The following UPK1B variants were observed in gnomAD, a reference collection of about 807,000 sequenced individuals.
The protein encoded by UPK1B is uroplakin-1b.
In UPK1B, 28 loss-of-function variants were observed where a neutral mutation model predicts 34.2. That is an observed-to-expected ratio of 0.82 (90% CI 0.61 to 1.12). The LOEUF (loss-of-function observed/expected upper bound fraction) is 1.12, where lower values mean the gene tolerates loss of function less well. Among genes scored for constraint, UPK1B ranks in the 50% most tolerant of loss-of-function variants. The pLI is 0.00. For missense variants in UPK1B, 325 were observed against 320.9 expected, an observed-to-expected ratio of 1.01 and a Z score of -0.10; for synonymous variants, 81 against 110.4, an observed-to-expected ratio of 0.73 and a Z score of 1.67.
intron 5 of UPK1B, among the ~76,000 whole-genome samples, chr3:119,193,345 G>A (rs897966903): frequency 2.0e-5 from 3 of 152,214 alleles, no homozygotes; most frequent in Admixed American, 6.5e-5. Flanking sequence ...ATCCTTTAAA[G>A]ATGGTTGATT....
At position 119,194,478 on chromosome 3, in the gene UPK1B, T is replaced by C. The variant is rs1053014749; in HGVS notation, c.648+80T>C. The C allele has an allele frequency of 3.4e-5, 45 of 1,330,724 alleles. No homozygotes were observed. In the East Asian group the frequency reaches 3.6e-4, roughly 11 times the overall value. 82.4% of individuals were successfully genotyped at this position (1,330,724 alleles called of 1,614,324 possible). A position where few individuals can be genotyped will look rare whatever the true frequency, so the allele number is the denominator to read the frequency against. On this transcript the variant is annotated intron_variant, in intron 6 of 7. Transcript: ENST00000264234. ...AAAAATATTGGTCAACTGTAGGAAATAGTCTTTCAGTAAGGAATTCTACAT... is the reference window on the plus strand; with the variant it reads ...AAAAATATTGGTCAACTGTAGGAAACAGTCTTTCAGTAAGGAATTCTACAT...
chr3:119,188,533 A>C (rs1483852705), intron 3 of UPK1B, among the ~76,000 whole-genome samples: 1 of 152,208 alleles, frequency 6.6e-6, no homozygotes, highest in Non-Finnish European at 1.5e-5. Flanking sequence ...GGACCCCAGA[A>C]AACCTTGATA....
At chr3:119,195,890 G>C (rs778527537) in intron 6 of UPK1B, among the ~76,000 whole-genome samples, 1 of 152,150 alleles carries the variant, frequency 6.6e-6, no homozygotes, top group Non-Finnish European at 1.5e-5. Context: ...AGATACAAAT[G>C]AACTATTTTC....
chr3:119,194,976 G>A (rs7651368), intron 6 of UPK1B, among the ~76,000 whole-genome samples: 58,559 of 152,034 alleles, frequency 0.39, 12,141 homozygotes, highest in Non-Finnish European at 0.45. Flanking sequence ...CATTTATTGT[G>A]TACTTACTAA....
chr3:119,196,143 T>C (rs1324536797), intron 6 of UPK1B, among the ~76,000 whole-genome samples: 1 of 152,218 alleles, frequency 6.6e-6, no homozygotes, highest in Non-Finnish European at 1.5e-5. Context: ...CCTGTGCTCC[T>C]TGTTTCTCAA....
intron 5 of UPK1B, 53 bp downstream of exon 5, chr3:119,191,157 G>C: frequency 6.2e-7 from 1 of 1,600,090 alleles, no homozygotes. Context: ...GTGGGAGTGG[G>C]TGTCATACAC....
chr3:119,196,541 T>C (rs1006467144), intron 6 of UPK1B, among the ~76,000 whole-genome samples: 2 of 144,876 alleles, frequency 1.4e-5, no homozygotes, highest in African/African-American at 2.6e-5. Flanking sequence ...TTTTCTTTTT[T>C]TTTTTTTTTT....
At chr3:119,177,150 C>T (rs2077960743) in intron 1 of UPK1B, among the ~76,000 whole-genome samples, 1 of 152,142 alleles carries the variant, frequency 6.6e-6, no homozygotes, top group African/African-American at 2.4e-5. Context: ...CAAATTGTGG[C>T]ATTCAGAAGT....
At chr3:119,186,568 C>A in intron 1 of UPK1B, 146 bp from the exon 2 acceptor site, 1 of 615,840 alleles carries the variant, frequency 1.6e-6, no homozygotes, top group Non-Finnish European at 2.8e-6. Context: ...TATGTGATTA[C>A]CAAGCTCAAT....
At chr3:119,176,596 A>G (rs1222110156) in intron 1 of UPK1B, among the ~76,000 whole-genome samples, 1 of 152,190 alleles carries the variant, frequency 6.6e-6, no homozygotes, top group Non-Finnish European at 1.5e-5. Context: ...CGGGGTGCAC[A>G]GGGGCTATTC....
At chr3:119,190,133 A>C in intron 3 of UPK1B, 112 bp from the exon 4 acceptor site, 1 of 811,716 alleles carries the variant, frequency 1.2e-6, no homozygotes. Flanking sequence ...GAATAACTAC[A>C]TGAGTGATTA....
chr3:119,176,364 T>A (rs890166519), intron 1 of UPK1B, among the ~76,000 whole-genome samples: 1 of 152,212 alleles, frequency 6.6e-6, no homozygotes, highest in Non-Finnish European at 1.5e-5. Context: ...TAGTGAGCAA[T>A]TGTTTTTAGA....
At chr3:119,187,499 G>A (rs925600940) in intron 2 of UPK1B, among the ~76,000 whole-genome samples, 2 of 152,300 alleles carry the variant, frequency 1.3e-5, no homozygotes, top group Non-Finnish European at 2.9e-5. Context: ...TCTCATACCA[G>A]AAAGCATTGT....
rs557972209 is a variant in UPK1B, at chr3:119,204,488, T to A, written c.*521T>A. 1.3e-5 allele frequency: 2 copies of A among 154,332 alleles called. No individual in the cohort carries two copies. Among genetic ancestry groups the A allele is most frequent in the African/African-American group, 4.8e-5 (2 of 41,590 alleles). 9.6% of individuals were successfully genotyped at this position (154,332 alleles called of 1,614,324 possible). A position where few individuals can be genotyped will look rare whatever the true frequency, so the allele number is the denominator to read the frequency against. On this transcript the variant is annotated 3_prime_UTR_variant, in exon 8 of 8. Coordinates refer to ENST00000264234, the MANE Select transcript of UPK1B (RefSeq NM_006952.4). ...ATGGGTGATTCTCTTGATGCCACCTTCAGATCCTTTTATTCTCCAGAATAA... is the reference window on the plus strand; with the variant it reads ...ATGGGTGATTCTCTTGATGCCACCTACAGATCCTTTTATTCTCCAGAATAA...
At chr3:119,197,438 T>C (rs905104861) in intron 6 of UPK1B, among the ~76,000 whole-genome samples, 2 of 152,164 alleles carry the variant, frequency 1.3e-5, no homozygotes, top group African/African-American at 4.8e-5. Flanking sequence ...GCCCAGCCAG[T>C]ACTTGGCACC....
chr3:119,185,677 T>C (rs1035419727), intron 1 of UPK1B, among the ~76,000 whole-genome samples: 3 of 152,254 alleles, frequency 2.0e-5, no homozygotes, highest in African/African-American at 7.2e-5. Context: ...CATATCTTTG[T>C]ATGCCTCAGA....
At chr3:119,175,619 C>T (rs2077953492) in intron 1 of UPK1B, among the ~76,000 whole-genome samples, 2 of 151,358 alleles carry the variant, frequency 1.3e-5, no homozygotes, top group Admixed American at 6.6e-5. Context: ...CTGAGGCCCT[C>T]GTGCAACTGA....
chr3:119,184,563 C>CAAAA (rs11369996), intron 1 of UPK1B, among the ~76,000 whole-genome samples: 2 of 117,236 alleles, frequency 1.7e-5, no homozygotes, highest in Non-Finnish European at 1.8e-5. Context: ...ACTAAAAATA[C>CAAAA]AAAAAAAAAA....
chr3:119,196,712 G>A (rs1226183874), intron 6 of UPK1B, among the ~76,000 whole-genome samples: 1 of 151,782 alleles, frequency 6.6e-6, no homozygotes. Flanking sequence ...GCTAATTTTT[G>A]TATTTTTAGT....
Sources: gnomAD v4.1 joint callset for allele counts (sites outside exome capture counted in the v4.1 genomes callset) on GRCh38, gnomAD v4.1.1 for gene constraint, MANE v1.5 for transcripts, NCBI Gene and HGNC (gene_info 2026-07-23, HGNC 2026-07-21) for gene names.